Variants in FAM222A observed in about 807,000 individuals in gnomAD.
The protein encoded by FAM222A is protein FAM222A.
FAM222A carries 7 observed loss-of-function variants against 25.8 expected under a neutral mutation model. That is an observed-to-expected ratio of 0.27 (90% CI 0.15 to 0.51). The LOEUF (loss-of-function observed/expected upper bound fraction) is 0.51. FAM222A is among the 20% of genes least tolerant of loss of function. FAM222A has a pLI of 0.97. For missense variants in FAM222A, 573 were observed against 640.5 expected, an observed-to-expected ratio of 0.89 and a Z score of 1.14; for synonymous variants, 294 against 298.8, an observed-to-expected ratio of 0.98 and a Z score of 0.17.
intron 1 of FAM222A, among the ~76,000 whole-genome samples, chr12:109,732,731 C>T (rs960608389): frequency 6.6e-6 from 1 of 152,214 alleles, no homozygotes; most frequent in African/African-American, 2.4e-5. Flanking sequence ...ACATGTTCCC[C>T]ACACACGTGT....
intron 1 of FAM222A, among the ~76,000 whole-genome samples, chr12:109,731,302 C>G (rs1887942450): frequency 6.6e-6 from 1 of 151,968 alleles, no homozygotes; most frequent in African/African-American, 2.4e-5. Flanking sequence ...GGGAGGTGAC[C>G]CAGCGCCTAC....
intron 2 of FAM222A, among the ~76,000 whole-genome samples, chr12:109,762,078 C>T (rs1207076056): frequency 6.6e-6 from 1 of 152,204 alleles, no homozygotes; most frequent in Non-Finnish European, 1.5e-5. Flanking sequence ...ACTCCAAAGC[C>T]ACATTATCAG....
chr12:109,764,705 CT>C (rs1216015732), intron 2 of FAM222A, among the ~76,000 whole-genome samples: 1 of 152,146 alleles, frequency 6.6e-6, no homozygotes, highest in Admixed American at 6.5e-5. Context: ...TTTTGTTCAT[CT>C]GTAAAATTGC....
intron 1 of FAM222A, chr12:109,734,549 G>A (rs1888034350): frequency 6.6e-6 from 1 of 151,398 alleles, no homozygotes; most frequent in Non-Finnish European, 1.5e-5. Context: ...AGCGCCAGTC[G>A]CCTGTCTCCA....
At chr12:109,724,267 C>T (rs1336424234) in intron 1 of FAM222A, among the ~76,000 whole-genome samples, 2 of 152,270 alleles carry the variant, frequency 1.3e-5, no homozygotes, top group Non-Finnish European at 2.9e-5. Context: ...ACCTGGCTGA[C>T]ACTATGCATG....
intron 2 of FAM222A, chr12:109,744,694 G>A (rs117539234): frequency 2.0e-6 from 2 of 985,312 alleles, no homozygotes; most frequent in East Asian, 2.3e-4. Flanking sequence ...GGTGACCAGG[G>A]GTCTGTTCTC....
At chr12:109,751,573 A>G (rs937767356) in intron 2 of FAM222A, among the ~76,000 whole-genome samples, 7 of 152,202 alleles carry the variant, frequency 4.6e-5, no homozygotes, top group Non-Finnish European at 1.0e-4. Flanking sequence ...CTAACTAAAA[A>G]TTTCCATACA....
chr12:109,747,551 A>G (rs1429497637), intron 2 of FAM222A, among the ~76,000 whole-genome samples: 1 of 152,198 alleles, frequency 6.6e-6, no homozygotes, highest in Non-Finnish European at 1.5e-5. Flanking sequence ...CCGGGATTGC[A>G]TTACATTTAC....
At chr12:109,741,460 C>T (rs968664412) in intron 1 of FAM222A, among the ~76,000 whole-genome samples, 6 of 152,184 alleles carry the variant, frequency 3.9e-5, no homozygotes, top group East Asian at 1.9e-4. Context: ...CATAAGAGCA[C>T]GCTGACAACT....
chr12:109,743,572 C>T (rs750036697), intron 1 of FAM222A, among the ~76,000 whole-genome samples: 1 of 152,230 alleles, frequency 6.6e-6, no homozygotes, highest in African/African-American at 2.4e-5. Context: ...GCCATCCTGA[C>T]ATCTCCCCTC....
In FAM222A at chr12:109,768,000, T is replaced by C. The variant is rs1185269235; in HGVS notation, c.83-12T>C. 1 of 1,608,056 alleles carries C rather than the reference T, an allele frequency of 6.2e-7. No individual in the cohort carries two copies. Among genetic ancestry groups the C allele is most frequent in the Non-Finnish European group, 8.5e-7 (1 of 1,176,444 alleles). ...CTCCTGATGGGCCCTCACACCTGCT[T>C]TCCTCCCACAGGCGAGGCGGTGGCC... On this transcript the variant is annotated splice_polypyrimidine_tract_variant and intron_variant, in intron 2 of 2. Transcript: ENST00000538780.
intron 2 of FAM222A, among the ~76,000 whole-genome samples, chr12:109,748,899 T>TA: frequency 6.6e-6 from 1 of 152,200 alleles, no homozygotes; most frequent in Non-Finnish European, 1.5e-5. Context: ...CTTCTGCTTT[T>TA]AGTTTTTTTC....
At chr12:109,741,763 G>A (rs890845584) in intron 1 of FAM222A, among the ~76,000 whole-genome samples, 4 of 152,196 alleles carry the variant, frequency 2.6e-5, no homozygotes, top group Non-Finnish European at 4.4e-5. Context: ...TAACCCAGCC[G>A]GGGTCACACA....
chr12:109,724,831 A>G (rs1887811999), intron 1 of FAM222A, among the ~76,000 whole-genome samples: 1 of 152,154 alleles, frequency 6.6e-6, no homozygotes. Context: ...CCCAATGTTG[A>G]ATGAATGAAT....
At chr12:109,734,847 C>T (rs889724347) in intron 1 of FAM222A, 1 of 152,206 alleles carries the variant, frequency 6.6e-6, no homozygotes, top group Admixed American at 6.5e-5. Flanking sequence ...ACACGACGCC[C>T]CTCTACCCTC....
In FAM222A at chr12:109,769,296, C is replaced by T. The variant is rs1194638527; in HGVS notation, c.*8C>T. On this transcript the variant is annotated 3_prime_UTR_variant, in exon 3 of 3. Coordinates refer to ENST00000538780, the MANE Select transcript of FAM222A (RefSeq NM_032829.3). Reference sequence around the variant, plus strand: ...CTACCCGTCTACAGATAAGGCCTGCCCTGCGGACATACGGACATGCGGACA... The same window carrying T: ...CTACCCGTCTACAGATAAGGCCTGCTCTGCGGACATACGGACATGCGGACA... The T allele has an allele frequency of 1.9e-6, 3 of 1,603,018 alleles. No individual in the cohort carries two copies. The highest frequency in any genetic ancestry group is 2.6e-6 in the Non-Finnish European group (3 of 1,175,438).
At chr12:109,746,403 C>T (rs1566192408) in intron 2 of FAM222A, among the ~76,000 whole-genome samples, 1 of 152,004 alleles carries the variant, frequency 6.6e-6, no homozygotes, top group Non-Finnish European at 1.5e-5. Flanking sequence ...GCAGGAGAAT[C>T]GCTTGAACCC....
chr12:109,767,910 A>G, intron 2 of FAM222A, 102 bp from the exon 3 acceptor site: 2 of 1,188,056 alleles, frequency 1.7e-6, no homozygotes, highest in Non-Finnish European at 2.3e-6. Flanking sequence ...ATAAGGAGTA[A>G]AATGAATGGG....
At chr12:109,760,156 T>TGC (rs1565846566) in intron 2 of FAM222A, among the ~76,000 whole-genome samples, 4 of 151,722 alleles carry the variant, frequency 2.6e-5, no homozygotes, top group Non-Finnish European at 5.9e-5. Context: ...GTGGAGGCCA[T>TGC]CCCTGCCTCA....
Sources: gnomAD v4.1 joint callset for allele counts (sites outside exome capture counted in the v4.1 genomes callset) on GRCh38, gnomAD v4.1.1 for gene constraint, MANE v1.5 for transcripts, NCBI Gene and HGNC (gene_info 2026-07-23, HGNC 2026-07-21) for gene names.